Variants in ADK observed in about 807,000 individuals in gnomAD.
ADK encodes the protein N6,N6-dimethyladenosine kinase.
ADK carries 24 observed loss-of-function variants against 44.7 expected under a neutral mutation model. The observed-to-expected ratio is 0.54, with a 90% confidence interval of 0.39 to 0.76. The LOEUF (loss-of-function observed/expected upper bound fraction) is 0.76. ADK is among the 30% of genes least tolerant of loss of function. ADK has a pLI of 0.00. For synonymous variants in ADK, 128 were observed against 142.6 expected (o/e 0.90, Z 0.73); for missense variants, 321 against 425.1 (o/e 0.76, Z 2.15).
chr10:74,649,740 T>C (rs1274011248), intron 9 of ADK, among the ~76,000 whole-genome samples: 1 of 152,222 alleles, frequency 6.6e-6, no homozygotes, highest in Non-Finnish European at 1.5e-5. Flanking sequence ...AATTTTTTAA[T>C]GTATAGTCAA....
rs538140048 is a variant in ADK at position 74,379,294 on chromosome 10, A to T, written c.274-14847A>T. Among the ~76,000 whole-genome samples, 4 of 152,312 alleles carry T rather than the reference A, an allele frequency of 2.6e-5. No individual in the cohort carries two copies. The South Asian group carries it at 8.3e-4, about 32-fold the overall frequency. ...TGGGTGGTAGCGTGGAGTTAATGAA[A>T]AGTGGTTGAAATCTGGAAATAGTTT... On this transcript the variant is annotated intron_variant, in intron 4 of 10. Transcript: ENST00000539909.
intron 9 of ADK, among the ~76,000 whole-genome samples, chr10:74,616,861 C>G (rs951169627): frequency 2.0e-5 from 3 of 152,038 alleles, no homozygotes; most frequent in African/African-American, 7.2e-5. Flanking sequence ...ATATTTTCCT[C>G]TATTTATGCA....
In ADK at chr10:74,451,863, A is replaced by T. The variant is rs1344185992; in HGVS notation, c.555+53284A>T. ...TTTTGATAGAATAGTAGCAGAACTC[A>T]ATGTAAAAATAATGATTACATTAAT... On this transcript the variant is annotated intron_variant, in intron 6 of 10. Coordinates refer to ENST00000539909, the MANE Select transcript of ADK (RefSeq NM_006721.4). Among the ~76,000 whole-genome samples, 4 of 152,256 alleles carry T rather than the reference A, an allele frequency of 2.6e-5. No individual in the cohort carries two copies. In the East Asian group the frequency reaches 7.7e-4, roughly 29 times the overall value.
intron 6 of ADK, among the ~76,000 whole-genome samples, chr10:74,408,452 G>C (rs1455829804): frequency 6.6e-6 from 1 of 152,080 alleles, no homozygotes; most frequent in African/African-American, 2.4e-5. Flanking sequence ...TGGAGTGTCA[G>C]AAAATGATCA....
At chr10:74,421,057 A>G (rs1844539497) in intron 6 of ADK, among the ~76,000 whole-genome samples, 1 of 152,152 alleles carries the variant, frequency 6.6e-6, no homozygotes, top group Admixed American at 6.5e-5. Context: ...TTTAAATGTT[A>G]GGGATTTCAG....
chr10:74,237,568 C>T (rs1050332235), intron 3 of ADK, among the ~76,000 whole-genome samples: 3 of 152,292 alleles, frequency 2.0e-5, no homozygotes, highest in East Asian at 1.9e-4. Context: ...ATGATGAATA[C>T]GTTGCAGGAG....
At chr10:74,176,392 G>T (rs962108661) in intron 1 of ADK, 2 of 949,180 alleles carry the variant, frequency 2.1e-6, no homozygotes, top group Non-Finnish European at 2.5e-6. Flanking sequence ...CCGAAGACCT[G>T]CCCTGACAGC....
At chr10:74,515,752 C>T (rs1479989310) in intron 6 of ADK, among the ~76,000 whole-genome samples, 1 of 152,084 alleles carries the variant, frequency 6.6e-6, no homozygotes, top group East Asian at 1.9e-4. Context: ...GAGAAGGGAG[C>T]CCAGCAGTTT....
In ADK at chr10:74,339,153, G is replaced by T. The variant is rs182472076; in HGVS notation, c.273+24408G>T. On this transcript the variant is annotated intron_variant, in intron 4 of 10. Transcript: ENST00000539909. ...ATTTTTATTTTTTGTAGAGATGGGG[G>T]TCTCACCATGTTGCCCAGGCTGGTC... 2.5e-3 allele frequency among the ~76,000 whole-genome samples: 377 copies of T among 152,026 alleles called. 2 individuals are homozygous for T. Among genetic ancestry groups the T allele is most frequent in the African/African-American group, 8.4e-3 (349 of 41,442 alleles).
intron 10 of ADK, among the ~76,000 whole-genome samples, chr10:74,674,756 C>T (rs1589359640): frequency 6.6e-6 from 1 of 152,078 alleles, no homozygotes; most frequent in East Asian, 1.9e-4. Context: ...GCGTTGCATG[C>T]CTGAAGTCCC....
intron 9 of ADK, among the ~76,000 whole-genome samples, chr10:74,647,405 G>A (rs1035396283): frequency 9.2e-5 from 14 of 152,098 alleles, no homozygotes; most frequent in Admixed American, 6.6e-5. Context: ...GTAATAGTTT[G>A]ATCTGTAGTT....
intron 4 of ADK, among the ~76,000 whole-genome samples, chr10:74,354,015 T>G (rs1205193056): frequency 6.6e-6 from 1 of 152,230 alleles, no homozygotes; most frequent in Non-Finnish European, 1.5e-5. Context: ...AAGGGTTTCC[T>G]TTGTCCAGAA....
intron 3 of ADK, among the ~76,000 whole-genome samples, chr10:74,305,882 A>G (rs550595021): frequency 2.0e-5 from 3 of 151,998 alleles, no homozygotes; most frequent in Non-Finnish European, 2.9e-5. Context: ...ATGCATCACT[A>G]TGCCTGGCTA....
At chr10:74,235,484 A>G (rs562956704) in intron 3 of ADK, among the ~76,000 whole-genome samples, 102 of 152,060 alleles carry the variant, frequency 6.7e-4, no homozygotes, top group African/African-American at 2.4e-3. Flanking sequence ...TTGTATTTTT[A>G]GTAGAGATGG....
intron 9 of ADK, among the ~76,000 whole-genome samples, chr10:74,623,165 G>A (rs1853060692): frequency 6.6e-6 from 1 of 152,144 alleles, no homozygotes; most frequent in Admixed American, 6.5e-5. Flanking sequence ...TGGCTGGTAT[G>A]GAAGAGTTGG....
At chr10:74,192,514 CTG>C (rs1842987502) in intron 1 of ADK, among the ~76,000 whole-genome samples, 1 of 151,562 alleles carries the variant, frequency 6.6e-6, no homozygotes, top group African/African-American at 2.4e-5. Context: ...GCGTGAGCCA[CTG>C]CACCTGGCCC....
chr10:74,620,913 G>GT (rs1236827471), intron 9 of ADK, among the ~76,000 whole-genome samples: 1 of 151,544 alleles, frequency 6.6e-6, no homozygotes, highest in African/African-American at 2.4e-5. Flanking sequence ...TTGTTTGTTT[G>GT]TTTTTTTACT....
At chr10:74,219,080 G>T (rs1844181993) in intron 2 of ADK, among the ~76,000 whole-genome samples, 1 of 152,096 alleles carries the variant, frequency 6.6e-6, no homozygotes, top group Non-Finnish European at 1.5e-5. Context: ...TGGCAAATTG[G>T]ATAAAGAGTC....
At chr10:74,215,354 G>A (rs905835556) in intron 2 of ADK, among the ~76,000 whole-genome samples, 1 of 152,230 alleles carries the variant, frequency 6.6e-6, no homozygotes, top group African/African-American at 2.4e-5. Flanking sequence ...CTGTCGCCTA[G>A]GTTGGAGTGC....
Sources: gnomAD v4.1 joint callset for allele counts (sites outside exome capture counted in the v4.1 genomes callset) on GRCh38, gnomAD v4.1.1 for gene constraint, MANE v1.5 for transcripts, NCBI Gene and HGNC (gene_info 2026-07-23, HGNC 2026-07-21) for gene names.